Variants in LMX1B observed in about 807,000 individuals in gnomAD.
LMX1B encodes LIM homeobox transcription factor 1-beta.
Under a neutral mutation model 51.4 loss-of-function variants are expected in LMX1B, and 12 were observed. The observed-to-expected ratio is 0.23, with a 90% CI of 0.15 to 0.38. LMX1B has a LOEUF of 0.38. LMX1B is among the 10% of genes least tolerant of loss of function. LMX1B has a pLI of 1.00. For synonymous variants in LMX1B, 237 were observed against 235.4 expected (o/e 1.01, Z -0.06); for missense variants, 445 against 571.1 (o/e 0.78, Z 2.25).
chr9:126,662,273 G>A (rs1286740660), intron 2 of LMX1B, among the ~76,000 whole-genome samples: 1 of 152,232 alleles, frequency 6.6e-6, no homozygotes, highest in Non-Finnish European at 1.5e-5. Context: ...CCTGTGTGGT[G>A]CTTAGCATGA....
chr9:126,639,402 A>G (rs969889618), intron 2 of LMX1B, among the ~76,000 whole-genome samples: 42 of 152,310 alleles, frequency 2.8e-4, no homozygotes, highest in African/African-American at 9.9e-4. Context: ...CCTCGAACAA[A>G]GCCGGGCCCA....
In LMX1B at chr9:126,654,482, C is replaced by T. The variant is rs187235933; in HGVS notation, c.327-36354C>T. ...GAATCTAGTTTGTGTGAATGATGAA[C>T]AGGTAGGTTGGTGGTAGGTACCAGG... On this transcript the variant is annotated intron_variant, in intron 2 of 7. Coordinates refer to ENST00000373474, the MANE Select transcript of LMX1B (RefSeq NM_001174147.2). 1.9e-3 allele frequency among the ~76,000 whole-genome samples: 293 copies of T among 152,338 alleles called. 1 individual carries two copies. The highest frequency in any genetic ancestry group is 6.8e-3 in the African/African-American group (281 of 41,576).
intron 2 of LMX1B, among the ~76,000 whole-genome samples, chr9:126,637,827 C>CA (rs1383563431): frequency 7.7e-6 from 1 of 130,090 alleles, no homozygotes; most frequent in African/African-American, 2.8e-5. Context: ...TGTCCTCCCC[C>CA]CCCCCCGCCC....
chr9:126,623,682 C>T (rs913236421), intron 2 of LMX1B, among the ~76,000 whole-genome samples: 1 of 152,216 alleles, frequency 6.6e-6, no homozygotes, highest in South Asian at 2.1e-4. Flanking sequence ...TAATCTCCCC[C>T]AGAACGCCCA....
chr9:126,650,375 C>T (rs1489204470), intron 2 of LMX1B, among the ~76,000 whole-genome samples: 4 of 152,174 alleles, frequency 2.6e-5, no homozygotes, highest in Non-Finnish European at 4.4e-5. Context: ...CAGCTCTGAC[C>T]GGTCAGCTGA....
At chr9:126,617,322 A>T (rs1835321836) in intron 2 of LMX1B, among the ~76,000 whole-genome samples, 1 of 151,904 alleles carries the variant, frequency 6.6e-6, no homozygotes, top group Admixed American at 6.6e-5. Flanking sequence ...ACCAGCCTTT[A>T]CGACAACACA....
chr9:126,617,055 C>T lies in LMX1B; in HGVS notation c.326+1486C>T, dbSNP rs186371048. Among the ~76,000 whole-genome samples the T allele has an allele frequency of 1.1e-3, 164 of 152,360 alleles. 1 individual carries two copies. Among genetic ancestry groups the T allele is most frequent in the Non-Finnish European group, 2.0e-3 (136 of 68,038 alleles). ...TGCCGTAGGTCGGCTTTGTGCTGTG[C>T]TCTGAACTAATATGATTCTAGTTCC... On this transcript the variant is annotated intron_variant, in intron 2 of 7. Coordinates refer to ENST00000373474, the MANE Select transcript of LMX1B (RefSeq NM_001174147.2).
At position 126,614,407 on chromosome 9, in the gene LMX1B, C is replaced by A; in HGVS notation, c.-43C>A. On this transcript the variant is annotated 5_prime_UTR_variant, in exon 1 of 8. Transcript: ENST00000373474. Reference sequence around the variant, plus strand: ...GAGAGCGGGTGGACGGGCCGGCGGGCGAGCAGCCCGGCCGGCGGGGTCCGC... The same window carrying A: ...GAGAGCGGGTGGACGGGCCGGCGGGAGAGCAGCCCGGCCGGCGGGGTCCGC... The A allele has an allele frequency of 7.2e-7, 1 of 1,389,258 alleles. No homozygotes were observed. 86.1% of individuals were successfully genotyped at this position (1,389,258 alleles called of 1,614,324 possible). A position where few individuals can be genotyped will look rare whatever the true frequency, so the allele number is the denominator to read the frequency against.
intron 2 of LMX1B, among the ~76,000 whole-genome samples, chr9:126,681,922 TAA>T (rs1324889802): frequency 2.0e-5 from 3 of 149,890 alleles, no homozygotes; most frequent in African/African-American, 4.9e-5. Flanking sequence ...ATAATAATAA[TAA>T]AATAAAATGC....
chr9:126,676,048 C>CAAA (rs34471786), intron 2 of LMX1B, among the ~76,000 whole-genome samples: 2 of 82,486 alleles, frequency 2.4e-5, no homozygotes, highest in Admixed American at 2.6e-4. Context: ...GACTCCGTCT[C>CAAA]AAAAAAAAAA....
intron 4 of LMX1B, 100 bp downstream of exon 4, chr9:126,693,423 C>G: frequency 6.5e-7 from 1 of 1,536,108 alleles, no homozygotes; most frequent in Non-Finnish European, 9.0e-7. Context: ...GGACATCCCT[C>G]CATCCTCCAT....
rs916974823 is a variant in LMX1B, at chr9:126,625,084, C to T, written c.326+9515C>T. ...GCCCTTTGTCCCACGGAGTGAACGACGGAAACTTGCCATCCTAATCCCCTT... is the reference window on the plus strand; with the variant it reads ...GCCCTTTGTCCCACGGAGTGAACGATGGAAACTTGCCATCCTAATCCCCTT... On this transcript the variant is annotated intron_variant, in intron 2 of 7. Transcript: ENST00000373474. The surrounding 1 kb of genome is among the most constrained non-coding windows in gnomAD (Gnocchi z 5.3). Among the ~76,000 whole-genome samples the T allele has an allele frequency of 6.6e-6, 1 of 152,204 alleles. No homozygotes were observed. Among genetic ancestry groups the T allele is most frequent in the South Asian group, 2.1e-4 (1 of 4,822 alleles).
At chr9:126,660,841 G>A (rs540493095) in intron 2 of LMX1B, among the ~76,000 whole-genome samples, 83 of 152,314 alleles carry the variant, frequency 5.4e-4, no homozygotes, top group African/African-American at 1.9e-3. Context: ...AATGCCTACT[G>A]TGGTTCTTGG....
intron 2 of LMX1B, among the ~76,000 whole-genome samples, chr9:126,637,218 C>T (rs1004523254): frequency 1.3e-5 from 2 of 152,242 alleles, no homozygotes; most frequent in African/African-American, 2.4e-5. Flanking sequence ...GAGGCAGGCT[C>T]AGCTCCTCCT....
In LMX1B at chr9:126,696,479, G is replaced by A; in HGVS notation, c.*28G>A. On this transcript the variant is annotated 3_prime_UTR_variant, in exon 8 of 8. Transcript: ENST00000373474. ...GCCAGCCAGGCGCACGGACGCTTGG[G>A]CAGGGGCCTGGGGGGGACTGCCAGC... 1 of 1,613,100 alleles carries A rather than the reference G, an allele frequency of 6.2e-7. No homozygotes were observed. The highest frequency in any genetic ancestry group is 1.1e-5 in the South Asian group (1 of 91,056).
chr9:126,635,071 T>C (rs1016814803), intron 2 of LMX1B, among the ~76,000 whole-genome samples: 1 of 152,234 alleles, frequency 6.6e-6, no homozygotes, highest in African/African-American at 2.4e-5. Context: ...TGAAGCCTGC[T>C]GATGGCCTGG....
intron 2 of LMX1B, among the ~76,000 whole-genome samples, chr9:126,622,651 T>C (rs1835439102): frequency 6.6e-6 from 1 of 152,242 alleles, no homozygotes; most frequent in Non-Finnish European, 1.5e-5. Flanking sequence ...TGTCGTGTGA[T>C]TCCTGGATTG....
At chr9:126,652,484 G>C (rs944554423) in intron 2 of LMX1B, among the ~76,000 whole-genome samples, 10 of 152,254 alleles carry the variant, frequency 6.6e-5, no homozygotes, top group Non-Finnish European at 1.5e-4. Flanking sequence ...GGGTGTGTGT[G>C]TCCACACGGG....
intron 2 of LMX1B, among the ~76,000 whole-genome samples, chr9:126,669,469 T>G (rs1418733583): frequency 6.6e-6 from 1 of 152,174 alleles, no homozygotes; most frequent in East Asian, 1.9e-4. Flanking sequence ...CATGTGTGTG[T>G]GTTCACGTGT....
Sources: gnomAD v4.1 joint callset for allele counts (sites outside exome capture counted in the v4.1 genomes callset) on GRCh38, gnomAD v4.1.1 for gene constraint, Gnocchi (gnomAD v3.1) non-coding constraint, MANE v1.5 for transcripts, NCBI Gene and HGNC (gene_info 2026-07-23, HGNC 2026-07-21) for gene names.